The following PAGE2B variants were observed in gnomAD, a reference collection of about 807,000 sequenced individuals.
PAGE2B encodes putative G antigen family E member 3.
A neutral mutation model predicts 7.6 loss-of-function variants in PAGE2B; 5 were observed. The ratio of observed to expected loss-of-function variants is 0.66; its 90% CI spans 0.34 to 1.38. PAGE2B has a LOEUF of 1.38. PAGE2B is among the 40% of genes most tolerant of loss of function. PAGE2B has a pLI of 0.04. For synonymous variants in PAGE2B, 29 were observed against 26.7 expected, an observed-to-expected ratio of 1.09 and a Z score of -0.27; for missense variants, 70 against 78.4, an observed-to-expected ratio of 0.89 and a Z score of 0.41.
At chrX:55,044,749 T>C in the PAGE2B span, 2 of 111,850 alleles carry the variant, frequency 1.8e-5, no homozygotes, top group Non-Finnish European at 3.8e-5. Context: ...CTGTCATGAA[T>C]TTTCTGGTGA....
chrX:55,047,069 ACCT>A, the PAGE2B span, among the ~76,000 whole-genome samples: 1 of 108,096 alleles, frequency 9.3e-6, no homozygotes, highest in African/African-American at 3.4e-5. Flanking sequence ...CTAATGCTAC[ACCT>A]CCCCCCTCCC....
rs774483841 is a variant in PAGE2B, at chrX:55,077,247, C to T, written c.194-152C>T. On this transcript the variant is annotated intron_variant, in intron 3 of 4. Transcript: ENST00000374971. ...GGGAAAGGAAAGGGCAATGTTTGAA[C>T]ATCTCTGCTTTCCTGTTTTCCTGGC... 6.7e-4 allele frequency: 668 copies of T among 998,968 alleles called. 3 individuals are homozygous for T. The highest frequency in any genetic ancestry group is 4.4e-4 in the Non-Finnish European group (328 of 752,910). 82.3% of individuals were successfully genotyped at this position (998,968 alleles called of 1,213,427 possible).
chrX:55,055,010 A>C, the PAGE2B span: 2 of 111,552 alleles, frequency 1.8e-5, no homozygotes, highest in African/African-American at 6.5e-5. Context: ...AATGTACATA[A>C]AAACTGGGGT....
the PAGE2B span, among the ~76,000 whole-genome samples, chrX:55,056,422 A>G: frequency 1.8e-5 from 2 of 111,205 alleles, no homozygotes; most frequent in Non-Finnish European, 3.8e-5. Flanking sequence ...GGATTAGACT[A>G]CAGCAATGGA....
chrX:55,055,258 A>T, the PAGE2B span: 1 of 108,711 alleles, frequency 9.2e-6, no homozygotes, highest in Admixed American at 1.0e-4. Flanking sequence ...TCGGAGGCTG[A>T]GGCAGGAGAA....
chrX:55,071,408 T>C (rs957931657), upstream of PAGE2B, among the ~76,000 whole-genome samples: 1 of 111,995 alleles, frequency 8.9e-6, no homozygotes, highest in Non-Finnish European at 1.9e-5. Flanking sequence ...GGGTTTCTGC[T>C]GAGAGATCCA....
the PAGE2B span, among the ~76,000 whole-genome samples, chrX:55,035,477 G>T: frequency 1.8e-5 from 2 of 111,530 alleles, no homozygotes; most frequent in African/African-American, 3.3e-5. Context: ...CAAAATCAGG[G>T]AGGTCTTAAG....
the PAGE2B span, among the ~76,000 whole-genome samples, chrX:55,043,413 G>A: frequency 9.1e-6 from 1 of 109,498 alleles, no homozygotes; most frequent in African/African-American, 3.3e-5. Flanking sequence ...TCCACAGAGT[G>A]GGAGAAAATC....
chrX:55,075,734 C>G (rs1288152948), intron 1 of PAGE2B, among the ~76,000 whole-genome samples: 1 of 111,222 alleles, frequency 9.0e-6, no homozygotes, highest in Non-Finnish European at 1.9e-5. Flanking sequence ...TTTCAATTCT[C>G]TGCCCTTTTT....
chrX:55,032,204 T>C, the PAGE2B span, among the ~76,000 whole-genome samples: 1 of 111,752 alleles, frequency 8.9e-6, no homozygotes, highest in Admixed American at 9.5e-5. Context: ...TTTTTGATAC[T>C]GCCAATTTGT....
chrX:55,076,696 A>C lies in PAGE2B; in HGVS notation c.193+19A>C, dbSNP rs181973825. ...GTTCAAGGTGAAGGGAGAGTGGAGA[A>C]TAATGCTTATGGGTGGTGGAGGTCT... On this transcript the variant is annotated intron_variant, in intron 3 of 4. Transcript: ENST00000374971. 2.6e-6 allele frequency: 3 copies of C among 1,176,316 alleles called. No individual in the cohort carries two copies. Among genetic ancestry groups the C allele is most frequent in the Non-Finnish European group, 3.4e-6 (3 of 871,214 alleles).
At chrX:55,076,704 T>C in intron 3 of PAGE2B, 27 bp downstream of exon 3, 1 of 1,163,642 alleles carries the variant, frequency 8.6e-7, no homozygotes, top group Non-Finnish European at 1.2e-6. Context: ...GAATAATGCT[T>C]ATGGGTGGTG....
the PAGE2B span, among the ~76,000 whole-genome samples, chrX:55,040,501 G>A: frequency 9.0e-6 from 1 of 111,708 alleles, no homozygotes; most frequent in African/African-American, 3.3e-5. Flanking sequence ...TCTGACACAT[G>A]CTACAACATG....
chrX:55,035,930 T>G, the PAGE2B span, among the ~76,000 whole-genome samples: 1,077 of 111,730 alleles, frequency 9.6e-3, 16 homozygotes, highest in African/African-American at 0.033. Flanking sequence ...TCCTACCCAT[T>G]AGCATGGAAT....
chrX:55,042,161 A>G, the PAGE2B span, among the ~76,000 whole-genome samples: 5 of 110,619 alleles, frequency 4.5e-5, no homozygotes, highest in African/African-American at 1.6e-4. Flanking sequence ...AAACCCTACT[A>G]ACTCCTCCAA....
chrX:55,031,918 C>T, the PAGE2B span, among the ~76,000 whole-genome samples: 1 of 111,216 alleles, frequency 9.0e-6, no homozygotes, highest in South Asian at 3.8e-4. Context: ...TAAATAAGAC[C>T]ATAGTCTACA....
At chrX:55,056,311 G>C in the PAGE2B span, among the ~76,000 whole-genome samples, 3 of 110,904 alleles carry the variant, frequency 2.7e-5, no homozygotes, top group African/African-American at 9.8e-5. Flanking sequence ...GAATGGGAGA[G>C]AACATGGAAA....
the PAGE2B span, among the ~76,000 whole-genome samples, chrX:55,049,879 A>C: frequency 9.0e-6 from 1 of 111,314 alleles, no homozygotes; most frequent in Admixed American, 9.6e-5. Flanking sequence ...TTGCTTTCCT[A>C]GTTCTTTTAA....
chrX:55,073,460 T>G (rs1437692280), upstream of PAGE2B, among the ~76,000 whole-genome samples: 1 of 111,527 alleles, frequency 9.0e-6, no homozygotes, highest in Admixed American at 9.6e-5. Context: ...GCCTTCTGTG[T>G]TGGTCTCGCT....
Sources: allele counts gnomAD v4.1 joint callset (sites outside exome capture counted in the v4.1 genomes callset), GRCh38; gene constraint gnomAD v4.1.1; transcripts MANE v1.5; gene names NCBI Gene and HGNC (gene_info 2026-07-23, HGNC 2026-07-21).